The following CASP1 variants were observed in gnomAD, a reference collection of about 807,000 sequenced individuals.
The protein encoded by CASP1 is caspase 1.
A neutral mutation model predicts 41.2 loss-of-function variants in CASP1; 31 were observed. That is an observed-to-expected ratio of 0.75 (90% CI 0.57 to 1.02). The LOEUF is 1.02. Among genes scored for constraint, CASP1 ranks in the 50% least tolerant of loss-of-function variants. CASP1 has a pLI of 0.00. For synonymous variants in CASP1, 163 were observed against 166.5 expected (o/e 0.98, Z 0.16); for missense variants, 490 against 495.7 (o/e 0.99, Z 0.11).
intron 6 of CASP1, among the ~76,000 whole-genome samples, 170 bp from the exon 7 acceptor site, chr11:105,029,437 A>G (rs1397991381): frequency 6.6e-6 from 1 of 152,178 alleles, no homozygotes; most frequent in Non-Finnish European, 1.5e-5. Context: ...ATCTTTTCTA[A>G]CCATCAAACA....
At chr11:105,030,605 C>T in intron 4 of CASP1, 102 bp from the exon 5 acceptor site, 1 of 945,784 alleles carries the variant, frequency 1.1e-6, no homozygotes, top group Non-Finnish European at 1.6e-6. Context: ...TATCAAGATA[C>T]CAAACCCCAT....
chr11:105,025,448 C>A, downstream of CASP1: 1 of 353,944 alleles, frequency 2.8e-6, no homozygotes, highest in Non-Finnish European at 5.4e-6. Flanking sequence ...ACTCTAAATT[C>A]CTTAGTCACT....
intron 3 of CASP1, among the ~76,000 whole-genome samples, chr11:105,032,839 T>G (rs1863781117): frequency 6.6e-6 from 1 of 152,190 alleles, no homozygotes; most frequent in Non-Finnish European, 1.5e-5. Flanking sequence ...TGGTACTTAT[T>G]TGGGTAATCA....
chr11:105,033,225 C>CACTG (rs950723436), intron 2 of CASP1, 99 bp from the exon 3 acceptor site: 5 of 649,012 alleles, frequency 7.7e-6, no homozygotes, highest in Non-Finnish European at 1.1e-5. Flanking sequence ...TCTCCCATAA[C>CACTG]ACTGACTGAC....
At chr11:105,035,474 A>G (rs998260496), upstream of CASP1, among the ~76,000 whole-genome samples, 1 of 152,226 alleles carries the variant, frequency 6.6e-6, no homozygotes, top group South Asian at 2.1e-4. Flanking sequence ...TGTTCCCCTG[A>G]CCCCACCTCA....
At chr11:105,027,162 T>C (rs746019596) in intron 7 of CASP1, 27 of 620,308 alleles carry the variant, frequency 4.4e-5, no homozygotes, top group Non-Finnish European at 6.9e-5. Context: ...CTGACTGTGA[T>C]TTAAGTTAAT....
In CASP1 at chr11:105,030,461, G is replaced by C. The variant is rs763427774; in HGVS notation, c.496C>G (p.Leu166Val). 5 of 1,613,484 alleles carry C rather than the reference G, an allele frequency of 3.1e-6. No individual in the cohort carries two copies. The East Asian group carries it at 8.9e-5, about 29-fold the overall frequency. Residue 166 changes from leucine (L) to valine (V), a missense_variant, in exon 5 of 9, where the codon CTC becomes GTC. By Grantham distance (32) the Leu-to-Val change is conservative. Transcript: ENST00000533400. The part of the protein sequence containing the change: ...MDKSSRTRLA[L>V]IICNEEFDSI... Reference sequence around the variant, plus strand: ...TCAAATTCTTCATTGCAGATAATGAGAGCAAGACGTGTGCGGCTTGACTTG... The same window carrying C: ...TCAAATTCTTCATTGCAGATAATGACAGCAAGACGTGTGCGGCTTGACTTG...
chr11:105,034,030 A>T, intron 2 of CASP1, 178 bp downstream of exon 2: 1 of 1,041,216 alleles, frequency 9.6e-7, no homozygotes, highest in Non-Finnish European at 1.5e-6. Context: ...ACTGAGGATT[A>T]AGGAAAAGAA....
intron 7 of CASP1, 139 bp from the exon 8 acceptor site, chr11:105,027,090 A>G (rs1480139111): frequency 5.8e-6 from 4 of 693,758 alleles, no homozygotes; most frequent in African/African-American, 1.8e-5. Flanking sequence ...GGAATGGGGT[A>G]GAGGGGAGTG....
In CASP1 at chr11:105,029,869, G is replaced by A. The variant is rs1255005947; in HGVS notation, c.658C>T (p.His220Tyr). Residue 220 changes from histidine to tyrosine, a missense_variant, in exon 6 of 9, where the codon CAC (histidine) becomes TAC (tyrosine). His to Tyr is a moderately conservative substitution (Grantham distance 83). Transcript: ENST00000533400. ...TCAGAGGTCTTGTGCTCTGGGCGGT[G>A]TGCAAATGCCTCCAGCTCTGTAGTC... The part of the protein sequence containing the change: ...DMTTELEAFA[H>Y]RPEHKTSDST... The A allele has an allele frequency of 6.2e-7, 1 of 1,613,678 alleles. No homozygotes were observed. Among genetic ancestry groups the A allele is most frequent in the Admixed American group, 1.7e-5 (1 of 59,968 alleles).
upstream of CASP1, chr11:105,035,362 G>GA: frequency 1.9e-6 from 1 of 522,302 alleles, no homozygotes; most frequent in Admixed American, 3.1e-5. Context: ...AGACAGGATT[G>GA]AAAAAGTATG....
chr11:105,033,530 G>T (rs1245490407), intron 2 of CASP1, among the ~76,000 whole-genome samples: 3 of 152,164 alleles, frequency 2.0e-5, no homozygotes, highest in Admixed American at 6.5e-5. Flanking sequence ...GTGGTCATGA[G>T]ATTTGGCCAG....
intron 2 of CASP1, among the ~76,000 whole-genome samples, chr11:105,033,395 C>G (rs945024989): frequency 2.6e-5 from 4 of 152,198 alleles, no homozygotes; most frequent in African/African-American, 9.6e-5. Flanking sequence ...CTTTCCCTAA[C>G]CCTTAGAACA....
rs476889 is a variant in CASP1, at chr11:105,026,166, C to A, written c.*92G>T. 0.18 allele frequency: 138,837 copies of A among 786,346 alleles called. 13,915 individuals are homozygous for A. The highest frequency in any genetic ancestry group is 0.3 in the Admixed American group (12,753 of 42,866). The allele number at this position is 786,346 out of a possible 1,614,324, so 48.7% of individuals were successfully genotyped here. A position where few individuals can be genotyped will look rare whatever the true frequency, so the allele number is the denominator to read the frequency against. On this transcript the variant is annotated 3_prime_UTR_variant, in exon 9 of 9. Transcript: ENST00000533400. ...GCCTGTAAACCTAGAGTTCTTGACT[C>A]AAATGGACTTTCAGTACCCTTTCCT...
intron 3 of CASP1, among the ~76,000 whole-genome samples, chr11:105,031,626 CT>C (rs1450351566): frequency 6.6e-6 from 1 of 152,070 alleles, no homozygotes; most frequent in East Asian, 1.9e-4. Context: ...AGAATATAAA[CT>C]TTTTTCAAAA....
intron 6 of CASP1, 54 bp downstream of exon 6, chr11:105,029,611 A>G (rs768758243): frequency 2.9e-4 from 393 of 1,346,522 alleles, no homozygotes; most frequent in Non-Finnish European, 3.9e-4. Context: ...TTGGATGCAT[A>G]CAGAGTAGGA....
intron 1 of CASP1, 103 bp downstream of exon 1, chr11:105,035,004 C>G: frequency 6.8e-7 from 1 of 1,472,428 alleles, no homozygotes; most frequent in Non-Finnish European, 9.5e-7. Context: ...TGCTTCTACT[C>G]AAGTAAACTT....
intron 3 of CASP1, among the ~76,000 whole-genome samples, chr11:105,031,719 T>C (rs1299529351): frequency 6.6e-6 from 1 of 152,202 alleles, no homozygotes; most frequent in Non-Finnish European, 1.5e-5. Context: ...CATGTTTATC[T>C]TTTTATTTAT....
chr11:105,035,190 T>C (rs1863954640), upstream of CASP1: 4 of 1,585,942 alleles, frequency 2.5e-6, no homozygotes, highest in Non-Finnish European at 3.5e-6. Flanking sequence ...GGCCTGTACA[T>C]GTATTGGGAA....
Sources: gnomAD v4.1 joint callset for allele counts (sites outside exome capture counted in the v4.1 genomes callset) on GRCh38, gnomAD v4.1.1 for gene constraint, MANE v1.5 for transcripts, NCBI Gene and HGNC (gene_info 2026-07-23, HGNC 2026-07-21) for gene names.